PTPRG: variants seen among roughly 807,000 people sequenced by gnomAD.
PTPRG encodes the protein protein tyrosine phosphatase receptor type G, also known as receptor-type tyrosine-protein phosphatase gamma.
PTPRG carries 102 observed loss-of-function variants against 165.3 expected under a neutral mutation model. The ratio of observed to expected loss-of-function variants is 0.62; its 90% confidence interval spans 0.53 to 0.73. The LOEUF (loss-of-function observed/expected upper bound fraction) is 0.73. PTPRG is among the 30% of genes least tolerant of loss of function. The pLI, the probability that PTPRG is intolerant of heterozygous loss-of-function variation, is 0.00. For missense variants in PTPRG, 1,866 were observed against 1,861.4 expected (o/e 1.00, Z -0.05); for synonymous variants, 675 against 669.5 (o/e 1.01, Z -0.13).
chr3:61,894,791 C>T (rs1179262645), intron 2 of PTPRG, among the ~76,000 whole-genome samples: 4 of 152,062 alleles, frequency 2.6e-5, no homozygotes, highest in Admixed American at 2.6e-4. Flanking sequence ...CTACCTTTGC[C>T]CTTGGAGATC....
intron 3 of PTPRG, among the ~76,000 whole-genome samples, chr3:61,994,810 A>T (rs2040981134): frequency 1.3e-5 from 2 of 152,170 alleles, no homozygotes; most frequent in Non-Finnish European, 2.9e-5. Flanking sequence ...GACCCAAGCT[A>T]AGTGTTGGAG....
intron 6 of PTPRG, among the ~76,000 whole-genome samples, chr3:62,146,127 C>T (rs1704111814): frequency 6.6e-6 from 1 of 152,196 alleles, no homozygotes; most frequent in South Asian, 2.1e-4. Flanking sequence ...CACTGTATGA[C>T]TCTATATAAT....
At chr3:61,858,958 C>G (rs906848114) in intron 2 of PTPRG, among the ~76,000 whole-genome samples, 1 of 151,808 alleles carries the variant, frequency 6.6e-6, no homozygotes, top group Admixed American at 6.6e-5. Flanking sequence ...AATAGCACTT[C>G]CAATGTTTTA....
chr3:62,004,593 T>A (rs937234337), intron 4 of PTPRG, among the ~76,000 whole-genome samples: 1 of 152,206 alleles, frequency 6.6e-6, no homozygotes, highest in African/African-American at 2.4e-5. Context: ...GAGACTGAGC[T>A]TCCATCTCTT....
intron 2 of PTPRG, among the ~76,000 whole-genome samples, chr3:61,859,554 C>T (rs2037202350): frequency 2.0e-5 from 3 of 151,660 alleles, no homozygotes; most frequent in Non-Finnish European, 4.4e-5. Context: ...TATGAGCCCC[C>T]AGGACAATTG....
intron 1 of PTPRG, 93 bp downstream of exon 1, chr3:61,562,465 G>T (rs1049082091): frequency 7.3e-6 from 9 of 1,232,448 alleles, no homozygotes; most frequent in South Asian, 6.1e-5. Context: ...GCGCCCGTCC[G>T]GGAGACCCTG....
intron 2 of PTPRG, among the ~76,000 whole-genome samples, chr3:61,863,257 C>G (rs955886452): frequency 6.6e-6 from 1 of 152,236 alleles, no homozygotes; most frequent in African/African-American, 2.4e-5. Flanking sequence ...CTTCACTCCT[C>G]TTCTTTAAGG....
At chr3:61,699,596 G>C (rs771664407) in intron 1 of PTPRG, among the ~76,000 whole-genome samples, 2 of 152,148 alleles carry the variant, frequency 1.3e-5, no homozygotes, top group African/African-American at 2.4e-5. Context: ...TTCAGTGTCT[G>C]TTCCTTCCCC....
chr3:61,956,912 GA>G (rs1335260262), intron 2 of PTPRG, among the ~76,000 whole-genome samples: 1 of 152,090 alleles, frequency 6.6e-6, no homozygotes, highest in East Asian at 1.9e-4. Flanking sequence ...AAATTGCTTT[GA>G]GTCATCCCTG....
At chr3:62,005,044 A>G (rs1010997087) in intron 4 of PTPRG, among the ~76,000 whole-genome samples, 1 of 152,186 alleles carries the variant, frequency 6.6e-6, no homozygotes. Flanking sequence ...TTATTTTTCT[A>G]TAGATGCTTA....
At chr3:61,692,011 A>G (rs943873756) in intron 1 of PTPRG, among the ~76,000 whole-genome samples, 1 of 152,234 alleles carries the variant, frequency 6.6e-6, no homozygotes, top group Non-Finnish European at 1.5e-5. Context: ...AAGAATGAGT[A>G]TTTCATGATA....
intron 26 of PTPRG, among the ~76,000 whole-genome samples, chr3:62,279,581 T>C (rs879933260): frequency 6.6e-6 from 1 of 152,110 alleles, no homozygotes; most frequent in African/African-American, 2.4e-5. Context: ...AGATGCCCTG[T>C]TCATTACCTT....
chr3:61,687,832 C>T (rs1274597915), intron 1 of PTPRG, among the ~76,000 whole-genome samples: 1 of 152,134 alleles, frequency 6.6e-6, no homozygotes, highest in Non-Finnish European at 1.5e-5. Flanking sequence ...CAGAATATGA[C>T]AGTTTTATAG....
At chr3:61,956,327 A>C (rs559253276) in intron 2 of PTPRG, among the ~76,000 whole-genome samples, 12 of 152,134 alleles carry the variant, frequency 7.9e-5, no homozygotes, top group African/African-American at 2.9e-4. Context: ...ACATATTCAT[A>C]CATTTATTCT....
At chr3:61,905,467 C>T (rs1360606304) in intron 2 of PTPRG, among the ~76,000 whole-genome samples, 1 of 152,144 alleles carries the variant, frequency 6.6e-6, no homozygotes. Flanking sequence ...CTTTGTCTTT[C>T]AAAACTTCAT....
At chr3:61,777,325 A>G (rs2034415230) in intron 2 of PTPRG, among the ~76,000 whole-genome samples, 1 of 152,234 alleles carries the variant, frequency 6.6e-6, no homozygotes, top group Admixed American at 6.5e-5. Flanking sequence ...GAATTAAATT[A>G]AATTTAAATT....
At chr3:61,912,006 T>C (rs1162641811) in intron 2 of PTPRG, among the ~76,000 whole-genome samples, 3 of 152,224 alleles carry the variant, frequency 2.0e-5, no homozygotes. Flanking sequence ...ATTTTAATTG[T>C]CAGTGTGCAT....
chr3:61,662,894 A>G (rs1055106348), intron 1 of PTPRG, among the ~76,000 whole-genome samples: 40 of 152,246 alleles, frequency 2.6e-4, no homozygotes, highest in Non-Finnish European at 5.1e-4. Context: ...TGAGCAAGGG[A>G]ATGCAGAACA....
In PTPRG at chr3:62,217,096, C is replaced by T. The variant is rs142136381; in HGVS notation, c.2156-1755C>T. On this transcript the variant is annotated intron_variant, in intron 12 of 29. Transcript: ENST00000474889. This position sits in a 1 kb window ranked among gnomAD's most constrained non-coding sequence, Gnocchi z 4.3. ...TACAGCAGTGCTACTATCTGATGTA[C>T]TGATGTGTCCCCATCCCCTCGCACC... 1.3e-5 allele frequency among the ~76,000 whole-genome samples: 2 copies of T among 152,342 alleles called. No individual in the cohort carries two copies. Among genetic ancestry groups the T allele is most frequent in the Non-Finnish European group, 2.9e-5 (2 of 68,044 alleles).
Sources: allele counts gnomAD v4.1 joint callset (sites outside exome capture counted in the v4.1 genomes callset), GRCh38; gene constraint gnomAD v4.1.1; non-coding constraint Gnocchi (gnomAD v3.1); transcripts MANE v1.5; gene names NCBI Gene and HGNC (gene_info 2026-07-23, HGNC 2026-07-21).